ETS1: variants seen among roughly 807,000 people sequenced by gnomAD.
ETS1 encodes the protein protein C-ets-1.
A neutral mutation model predicts 58.6 loss-of-function variants in ETS1; 15 were observed. That is an observed-to-expected ratio of 0.26 (90% CI 0.17 to 0.39). The LOEUF (loss-of-function observed/expected upper bound fraction) is 0.39. ETS1 is among the 10% of genes least tolerant of loss of function. The probability of loss-of-function intolerance (pLI) is 1.00; values close to 1 mark genes in which losing one functional copy is unlikely to be tolerated. For missense variants in ETS1, 417 were observed against 610.5 expected (o/e 0.68, Z 3.34); for synonymous variants, 214 against 218.2 (o/e 0.98, Z 0.17).
chr11:128,564,838 G>A (rs1036510115), intron 2 of ETS1, among the ~76,000 whole-genome samples: 3 of 152,132 alleles, frequency 2.0e-5, no homozygotes, highest in East Asian at 1.9e-4. Flanking sequence ...TTATGGACAC[G>A]GTTGGTGGAA....
chr11:128,504,097 C>A lies in ETS1; in HGVS notation c.215-13521G>T, dbSNP rs184023507. Among the ~76,000 whole-genome samples the A allele has an allele frequency of 3.9e-5, 6 of 152,258 alleles. No individual in the cohort carries two copies. In the East Asian group the frequency reaches 9.7e-4, roughly 25 times the overall value. ...GTGGGGACCCAGCTCAAGTTTCCTG[C>A]ACTAAAAAGGAGGGGCCTAGAGAGA... On this transcript the variant is annotated intron_variant, in intron 3 of 9. Transcript: ENST00000392668.
chr11:128,549,213 A>G lies in ETS1; in HGVS notation c.214+7078T>C, dbSNP rs2135550594. On this transcript the variant is annotated intron_variant, in intron 3 of 9. Transcript: ENST00000392668. This position sits in a 1 kb window ranked among gnomAD's most constrained non-coding sequence, Gnocchi z 4.3. ...TCTAGGCGGCCAGACACAGCACTACAGGCTGTCCCTGCGGCGCAGCCCGCC... is the reference window on the plus strand; with the variant it reads ...TCTAGGCGGCCAGACACAGCACTACGGGCTGTCCCTGCGGCGCAGCCCGCC... 6.6e-6 allele frequency among the ~76,000 whole-genome samples: 1 copy of G among 152,290 alleles called. No homozygotes were observed. Among genetic ancestry groups the G allele is most frequent in the South Asian group, 2.1e-4 (1 of 4,832 alleles).
At chr11:128,583,129 C>T (rs1397421112) in intron 1 of ETS1, among the ~76,000 whole-genome samples, 3 of 152,100 alleles carry the variant, frequency 2.0e-5, no homozygotes, top group Non-Finnish European at 2.9e-5. Flanking sequence ...GTGCTGATGC[C>T]GCAGGTCAGA....
intron 3 of ETS1, among the ~76,000 whole-genome samples, chr11:128,506,934 C>T (rs767323237): frequency 2.0e-5 from 3 of 152,152 alleles, no homozygotes; most frequent in Non-Finnish European, 2.9e-5. Flanking sequence ...GTGATATGTG[C>T]ATCTTTATAC....
intron 3 of ETS1, among the ~76,000 whole-genome samples, chr11:128,508,199 G>C (rs1299935499): frequency 6.6e-6 from 1 of 152,148 alleles, no homozygotes; most frequent in East Asian, 1.9e-4. Context: ...AACCGCTGAA[G>C]TAATAACAGC....
At chr11:128,533,397 C>G (rs921530921) in intron 3 of ETS1, among the ~76,000 whole-genome samples, 3 of 152,146 alleles carry the variant, frequency 2.0e-5, no homozygotes, top group African/African-American at 4.8e-5. Context: ...GAAGACCACC[C>G]TTTAGGTTAA....
chr11:128,569,318 CTTTTTTTTTTT>C (rs398018017), intron 2 of ETS1, among the ~76,000 whole-genome samples: 5 of 39,460 alleles, frequency 1.3e-4, no homozygotes, highest in Non-Finnish European at 1.3e-4. Flanking sequence ...AGAGTTTCTT[CTTTTTTTTTTT>C]TTTTTTTTTT....
At chr11:128,545,967 G>A (rs1864126886) in intron 3 of ETS1, among the ~76,000 whole-genome samples, 1 of 152,186 alleles carries the variant, frequency 6.6e-6, no homozygotes, top group South Asian at 2.1e-4. Flanking sequence ...TTTCTAATCT[G>A]TATTCAACTC....
chr11:128,474,270 G>C (rs573152930), intron 8 of ETS1, among the ~76,000 whole-genome samples: 78 of 152,250 alleles, frequency 5.1e-4, no homozygotes, highest in Middle Eastern at 3.4e-3. Context: ...TCCAAAGACT[G>C]CTTGCAAGGT....
At chr11:128,556,481 T>G in intron 2 of ETS1, 46 bp from the exon 3 acceptor site, 1 of 1,381,644 alleles carries the variant, frequency 7.2e-7, no homozygotes, top group African/African-American at 1.4e-5. Flanking sequence ...GGAAAATCTC[T>G]GTTGTTTAGC....
chr11:128,545,393 C>A (rs899741839), intron 3 of ETS1, among the ~76,000 whole-genome samples: 1 of 152,178 alleles, frequency 6.6e-6, no homozygotes, highest in Non-Finnish European at 1.5e-5. Context: ...TGGTTAAGAA[C>A]ATGCACTTTG....
intron 8 of ETS1, among the ~76,000 whole-genome samples, chr11:128,471,685 A>C (rs185386385): frequency 3.3e-5 from 5 of 152,350 alleles, no homozygotes; most frequent in Admixed American, 6.5e-5. Context: ...GAAGGGGATA[A>C]GAATTTTGTT....
At chr11:128,517,151 C>G (rs113877843) in intron 3 of ETS1, among the ~76,000 whole-genome samples, 2,764 of 152,280 alleles carry the variant, frequency 0.018, 75 homozygotes, top group African/African-American at 0.06. Flanking sequence ...GACCCTTTCC[C>G]CAAGCCGTAT....
At chr11:128,490,414 G>A (rs1862763571) in intron 4 of ETS1, 43 bp downstream of exon 4, 1 of 1,607,982 alleles carries the variant, frequency 6.2e-7, no homozygotes, top group Non-Finnish European at 8.5e-7. Flanking sequence ...TCTTCCCAAA[G>A]GGTCTGACCC....
Position 128,567,179 on chromosome 11 carries a change from T to G in ETS1, c.69+5883A>C, listed in dbSNP as rs116677031. On this transcript the variant is annotated intron_variant, in intron 2 of 9. Coordinates refer to ENST00000392668, the MANE Select transcript of ETS1 (RefSeq NM_001143820.2). ...CTCATGGCAGGACTACCCTCTATGC[T>G]GGTACCAACTAGAGATTCAGCTGAC... is the stretch of plus-strand genomic sequence containing the variant. Among the ~76,000 whole-genome samples, 672 of 152,322 alleles carry G rather than the reference T, an allele frequency of 4.4e-3. 3 individuals carry two copies. The highest frequency in any genetic ancestry group is 0.015 in the African/African-American group (635 of 41,552).
At chr11:128,477,759 G>A (rs1040463964) in intron 8 of ETS1, among the ~76,000 whole-genome samples, 2 of 152,176 alleles carry the variant, frequency 1.3e-5, no homozygotes, top group Non-Finnish European at 2.9e-5. Flanking sequence ...GAGACAGTGA[G>A]CCCACATACT....
intron 5 of ETS1, among the ~76,000 whole-genome samples, chr11:128,488,898 C>T (rs1862714271): frequency 6.6e-6 from 1 of 152,118 alleles, no homozygotes; most frequent in Non-Finnish European, 1.5e-5. Context: ...ATGGGGCATG[C>T]ATCAAGGCAG....
chr11:128,495,252 T>C (rs1044122722), intron 3 of ETS1, among the ~76,000 whole-genome samples: 1 of 152,092 alleles, frequency 6.6e-6, no homozygotes, highest in East Asian at 1.9e-4. Context: ...TTCTCTCTAT[T>C]CCACTGCAAA....
chr11:128,577,700 A>G (rs1864778694), intron 1 of ETS1, among the ~76,000 whole-genome samples: 1 of 152,188 alleles, frequency 6.6e-6, no homozygotes, highest in Non-Finnish European at 1.5e-5. Context: ...CTGTGCTTAG[A>G]GAAGATGCTT....
Sources: gnomAD v4.1 joint callset for allele counts (sites outside exome capture counted in the v4.1 genomes callset) on GRCh38, gnomAD v4.1.1 for gene constraint, Gnocchi (gnomAD v3.1) non-coding constraint, MANE v1.5 for transcripts, NCBI Gene and HGNC (gene_info 2026-07-23, HGNC 2026-07-21) for gene names.